Variants in CA10 observed in about 807,000 individuals in gnomAD.
The protein encoded by CA10 is carbonic anhydrase-related protein 10.
A neutral mutation model predicts 44.2 loss-of-function variants in CA10; 14 were observed. The ratio of observed to expected loss-of-function variants is 0.32; its 90% CI spans 0.21 to 0.50. CA10 has a LOEUF of 0.50. Ranked by LOEUF, CA10 falls within the 20% of genes least tolerant of loss-of-function variation. CA10 has a pLI of 0.99. For missense variants in CA10, 350 were observed against 409.7 expected (o/e 0.85, Z 1.26); for synonymous variants, 159 against 141.6 (o/e 1.12, Z -0.87).
intron 2 of CA10, among the ~76,000 whole-genome samples, chr17:52,055,715 G>A (rs1255514028): frequency 1.3e-5 from 2 of 151,978 alleles, no homozygotes; most frequent in Non-Finnish European, 1.5e-5. Flanking sequence ...CTCCCAATTA[G>A]CCATAAAAAG....
intron 1 of CA10, among the ~76,000 whole-genome samples, chr17:52,076,852 C>T (rs976654020): frequency 6.6e-6 from 1 of 152,156 alleles, no homozygotes; most frequent in African/African-American, 2.4e-5. Flanking sequence ...GAGAATTCCT[C>T]AGAGCAAACA....
At chr17:51,828,455 G>A (rs1042307694) in intron 3 of CA10, among the ~76,000 whole-genome samples, 12 of 151,946 alleles carry the variant, frequency 7.9e-5, no homozygotes, top group Non-Finnish European at 2.9e-5. Flanking sequence ...AGTTTCATGG[G>A]GTCAGAGACC....
intron 1 of CA10, 151 bp from the exon 2 acceptor site, chr17:52,072,544 T>TC: frequency 1.8e-6 from 1 of 552,506 alleles, no homozygotes; most frequent in Non-Finnish European, 3.2e-6. Context: ...CTTCCCTTTT[T>TC]TTTTTCAAAT....
chr17:51,887,843 C>CAAAAAAAAAAAAGA (rs59075793), intron 3 of CA10, among the ~76,000 whole-genome samples: 1 of 83,626 alleles, frequency 1.2e-5, no homozygotes, highest in African/African-American at 3.8e-5. Flanking sequence ...ACTAAAAATA[C>CAAAAAAAAAAAAGA]AAAAAAAAAA....
At chr17:51,836,724 G>A (rs1908491173) in intron 3 of CA10, among the ~76,000 whole-genome samples, 1 of 152,204 alleles carries the variant, frequency 6.6e-6, no homozygotes, top group African/African-American at 2.4e-5. Flanking sequence ...AAAGAGACTT[G>A]TAAAAAAATA....
rs1392447527 is a variant in CA10, at chr17:51,635,878, G to A, written c.766C>T (p.Pro256Ser). ...ACCTGCATCCTGGTTATATAGACAG[G>A]TTTGTTCATTATGATCCAACTTGCT... Reference protein sequence around the residue: ...ETASWIIMNKPVYITRMQMHS... With the variant: ...ETASWIIMNKSVYITRMQMHS... Residue 256 changes from proline (P) to serine (S), a missense_variant, in exon 7 of 9, where the codon CCT becomes TCT. Transcript: ENST00000451037. 1 of 1,605,058 alleles carries A rather than the reference G, an allele frequency of 6.2e-7. No individual in the cohort carries two copies. The highest frequency in any genetic ancestry group is 8.5e-7 in the Non-Finnish European group (1 of 1,174,586).
At chr17:51,655,543 C>T (rs913597949) in intron 4 of CA10, among the ~76,000 whole-genome samples, 1 of 152,354 alleles carries the variant, frequency 6.6e-6, no homozygotes. Context: ...TTGCTACCTT[C>T]ACTGTGCATC....
At chr17:52,035,202 A>G (rs1598178140) in intron 2 of CA10, among the ~76,000 whole-genome samples, 1 of 152,144 alleles carries the variant, frequency 6.6e-6, no homozygotes. Flanking sequence ...TCCTGTGCCT[A>G]TAAAGACCCC....
At chr17:51,962,999 G>T (rs1018260786) in intron 2 of CA10, among the ~76,000 whole-genome samples, 10 of 152,004 alleles carry the variant, frequency 6.6e-5, no homozygotes, top group African/African-American at 2.4e-4. Context: ...CTAAAACAAG[G>T]TTAAAAGTCA....
At chr17:51,928,268 A>C (rs900652145) in intron 3 of CA10, among the ~76,000 whole-genome samples, 1 of 152,126 alleles carries the variant, frequency 6.6e-6, no homozygotes, top group Non-Finnish European at 1.5e-5. Context: ...CTGCATTTTG[A>C]CTGCAACCTG....
intron 1 of CA10, among the ~76,000 whole-genome samples, chr17:52,136,131 G>A (rs1340016570): frequency 6.6e-6 from 1 of 152,180 alleles, no homozygotes; most frequent in African/African-American, 2.4e-5. Flanking sequence ...ACAAGTCTCA[G>A]AGAAAAAGAC....
chr17:51,694,299 C>T (rs1044749944), intron 4 of CA10, among the ~76,000 whole-genome samples: 2 of 151,548 alleles, frequency 1.3e-5, no homozygotes, highest in Non-Finnish European at 2.9e-5. Flanking sequence ...CCTTTTTCTC[C>T]ACAGCTTGCC....
At chr17:52,100,989 C>T (rs1476328907) in intron 1 of CA10, among the ~76,000 whole-genome samples, 1 of 152,140 alleles carries the variant, frequency 6.6e-6, no homozygotes, top group Non-Finnish European at 1.5e-5. Context: ...AATCCTTTGC[C>T]CAGATAAGGC....
intron 4 of CA10, among the ~76,000 whole-genome samples, chr17:51,660,940 G>T (rs1195634139): frequency 6.6e-6 from 1 of 151,906 alleles, no homozygotes; most frequent in East Asian, 1.9e-4. Flanking sequence ...CTTAAACAGA[G>T]AAGGGAGGGA....
At chr17:51,880,779 C>T (rs7215375) in intron 3 of CA10, among the ~76,000 whole-genome samples, 10,054 of 151,568 alleles carry the variant, frequency 0.066, 655 homozygotes, top group African/African-American at 0.17. Flanking sequence ...GAAAGACTTA[C>T]GTGGAAGCAT....
intron 2 of CA10, among the ~76,000 whole-genome samples, chr17:51,983,974 G>A (rs1397387871): frequency 6.6e-6 from 1 of 151,696 alleles, no homozygotes; most frequent in Non-Finnish European, 1.5e-5. Context: ...TTTCCAACAC[G>A]AAGTCTCTAT....
At chr17:51,745,157 C>A (rs1413177666) in intron 4 of CA10, among the ~76,000 whole-genome samples, 3 of 152,108 alleles carry the variant, frequency 2.0e-5, no homozygotes, top group Non-Finnish European at 4.4e-5. Context: ...AATGTGTGTG[C>A]CTTCCCCCCT....
chr17:52,050,840 T>C (rs1987044185), intron 2 of CA10, among the ~76,000 whole-genome samples: 1 of 152,110 alleles, frequency 6.6e-6, no homozygotes, highest in Non-Finnish European at 1.5e-5. Flanking sequence ...ACGTATTTAT[T>C]GTAGACTTGT....
chr17:51,897,132 GA>G (rs768537656), intron 3 of CA10, among the ~76,000 whole-genome samples: 49 of 152,180 alleles, frequency 3.2e-4, no homozygotes, highest in Admixed American at 9.8e-4. Context: ...TTTTCATCAT[GA>G]AATTTTTGCC....
Sources: gnomAD v4.1 joint callset for allele counts (sites outside exome capture counted in the v4.1 genomes callset) on GRCh38, gnomAD v4.1.1 for gene constraint, MANE v1.5 for transcripts, NCBI Gene and HGNC (gene_info 2026-07-23, HGNC 2026-07-21) for gene names.